Variants in FOXP1 observed in about 807,000 individuals in gnomAD.
FOXP1 encodes the protein forkhead box protein P1.
In FOXP1, 15 loss-of-function variants were observed where a neutral mutation model predicts 98.2. That is an observed-to-expected ratio of 0.15 (90% CI 0.10 to 0.24). The LOEUF is 0.24. Ranked by LOEUF, FOXP1 falls within the 10% of genes least tolerant of loss-of-function variation. FOXP1 has a pLI of 1.00. For missense variants in FOXP1, 633 were observed against 848.5 expected, an observed-to-expected ratio of 0.75 and a Z score of 3.15; for synonymous variants, 371 against 314.5, an observed-to-expected ratio of 1.18 and a Z score of -1.90.
chr3:71,559,902 G>A (rs1027788427), intron 2 of FOXP1, among the ~76,000 whole-genome samples: 1 of 152,112 alleles, frequency 6.6e-6, no homozygotes, highest in Non-Finnish European at 1.5e-5. Flanking sequence ...ACCTACATAA[G>A]CCAGCTAGAA....
chr3:71,074,343 C>T (rs1038544119), intron 7 of FOXP1, among the ~76,000 whole-genome samples: 2 of 152,154 alleles, frequency 1.3e-5, no homozygotes, highest in Non-Finnish European at 2.9e-5. Context: ...TCTTCTGCCT[C>T]AGCCTCCCCA....
chr3:71,572,912 C>A (rs1038123599), intron 2 of FOXP1: 6 of 152,162 alleles, frequency 3.9e-5, no homozygotes, highest in African/African-American at 1.4e-4. Flanking sequence ...AGCCTGATTT[C>A]TTTTCTTAAA....
intron 2 of FOXP1, among the ~76,000 whole-genome samples, chr3:71,496,760 T>A (rs991693261): frequency 6.6e-6 from 1 of 152,008 alleles, no homozygotes; most frequent in Non-Finnish European, 1.5e-5. Flanking sequence ...TGAGCTGAGA[T>A]TGCGCCAATG....
At chr3:71,021,976 A>AT (rs1243198865) in intron 11 of FOXP1, among the ~76,000 whole-genome samples, 1 of 152,084 alleles carries the variant, frequency 6.6e-6, no homozygotes, top group Non-Finnish European at 1.5e-5. Context: ...CAATTTATAT[A>AT]TTTTTTCTTT....
intron 2 of FOXP1, among the ~76,000 whole-genome samples, chr3:71,526,386 C>T (rs1195326177): frequency 6.6e-6 from 1 of 152,148 alleles, no homozygotes; most frequent in Non-Finnish European, 1.5e-5. Context: ...TTAAAACTAC[C>T]TTAACAGATA....
intron 6 of FOXP1, among the ~76,000 whole-genome samples, chr3:71,149,309 G>A (rs1264240215): frequency 6.6e-6 from 1 of 152,188 alleles, no homozygotes; most frequent in African/African-American, 2.4e-5. Flanking sequence ...CTTACATTAT[G>A]CTTTATAATT....
intron 2 of FOXP1, among the ~76,000 whole-genome samples, chr3:71,558,079 A>T (rs926325334): frequency 1.3e-5 from 2 of 152,194 alleles, no homozygotes; most frequent in Non-Finnish European, 2.9e-5. Flanking sequence ...TACAGGCGTG[A>T]GCCACCACAC....
intron 4 of FOXP1, among the ~76,000 whole-genome samples, chr3:71,313,057 C>CCTT (rs2074808068): frequency 1.7e-5 from 2 of 119,020 alleles, no homozygotes; most frequent in African/African-American, 6.4e-5. Flanking sequence ...AACTTTAATT[C>CCTT]TTTTTTTTTT....
At chr3:71,029,412 A>G (rs2046565637) in intron 11 of FOXP1, among the ~76,000 whole-genome samples, 2 of 151,696 alleles carry the variant, frequency 1.3e-5, no homozygotes, top group East Asian at 3.9e-4. Flanking sequence ...TTTTTTTGAG[A>G]CAGAGTCTTG....
At chr3:71,444,333 T>A (rs2086214808) in intron 3 of FOXP1, among the ~76,000 whole-genome samples, 1 of 151,804 alleles carries the variant, frequency 6.6e-6, no homozygotes. Context: ...TCTACAATGT[T>A]GCTCCAAGTC....
At chr3:71,554,431 A>C (rs774771473) in intron 2 of FOXP1, among the ~76,000 whole-genome samples, 2 of 152,206 alleles carry the variant, frequency 1.3e-5, no homozygotes, top group Non-Finnish European at 2.9e-5. Context: ...GTTCAATGTT[A>C]AACTTTTTAA....
chr3:70,977,589 C>A, intron 16 of FOXP1, 54 bp downstream of exon 16: 4 of 1,361,368 alleles, frequency 2.9e-6, no homozygotes, highest in Non-Finnish European at 4.2e-6. Context: ...CAATATATAT[C>A]CATGTACACA....
chr3:71,485,454 CAG>C (rs2090575006), intron 3 of FOXP1, among the ~76,000 whole-genome samples: 1 of 152,086 alleles, frequency 6.6e-6, no homozygotes, highest in Non-Finnish European at 1.5e-5. Flanking sequence ...CTTTTTAAAA[CAG>C]GGAGAAAAAA....
intron 7 of FOXP1, among the ~76,000 whole-genome samples, chr3:71,076,001 T>C (rs2053767274): frequency 6.6e-6 from 1 of 152,100 alleles, no homozygotes; most frequent in African/African-American, 2.4e-5. Context: ...ATTACAGGAG[T>C]GAGCCATTGT....
chr3:71,514,396 C>G (rs2042412804), intron 2 of FOXP1, among the ~76,000 whole-genome samples: 1 of 152,208 alleles, frequency 6.6e-6, no homozygotes, highest in South Asian at 2.1e-4. Context: ...TTTTTCTTCT[C>G]CTGCACACCC....
At chr3:71,436,637 A>G (rs2085386099) in intron 3 of FOXP1, among the ~76,000 whole-genome samples, 1 of 152,308 alleles carries the variant, frequency 6.6e-6, no homozygotes, top group Admixed American at 6.5e-5. Flanking sequence ...TAACAAGAAA[A>G]GAACAAAAAA....
intron 3 of FOXP1, among the ~76,000 whole-genome samples, chr3:71,479,714 A>G (rs539136801): frequency 1.3e-4 from 20 of 151,864 alleles, no homozygotes; most frequent in East Asian, 5.8e-4. Context: ...GAAAAGAAAA[A>G]AAAAGATAAA....
intron 3 of FOXP1, among the ~76,000 whole-genome samples, chr3:71,419,010 G>A (rs894393963): frequency 6.6e-6 from 1 of 151,022 alleles, no homozygotes; most frequent in Non-Finnish European, 1.5e-5. Context: ...CAAGGTGGGT[G>A]AATCACCTGA....
intron 11 of FOXP1, among the ~76,000 whole-genome samples, chr3:71,020,124 T>C (rs2045212152): frequency 6.6e-6 from 1 of 152,178 alleles, no homozygotes; most frequent in African/African-American, 2.4e-5. Flanking sequence ...AGCCAGTTAA[T>C]TTAAATTTCT....
Sources: allele counts gnomAD v4.1 joint callset (sites outside exome capture counted in the v4.1 genomes callset), GRCh38; gene constraint gnomAD v4.1.1; transcripts MANE v1.5; gene names NCBI Gene and HGNC (gene_info 2026-07-23, HGNC 2026-07-21).